The following ARHGAP6 variants were observed in gnomAD, a reference collection of about 807,000 sequenced individuals.
ARHGAP6 encodes the protein Rho GTPase activating protein 6.
A neutral mutation model predicts 55.7 loss-of-function variants in ARHGAP6; 16 were observed. That is an observed-to-expected ratio of 0.29 (90% CI 0.19 to 0.44). The LOEUF (loss-of-function observed/expected upper bound fraction) is 0.44. Ranked by LOEUF, ARHGAP6 falls within the 20% of genes least tolerant of loss-of-function variation. The pLI is 1.00. For synonymous variants in ARHGAP6, 382 were observed against 360.9 expected (o/e 1.06, Z -0.66); for missense variants, 698 against 808.9 (o/e 0.86, Z 1.66).
chrX:11,544,148 G>A (rs1442997612), intron 1 of ARHGAP6, among the ~76,000 whole-genome samples: 1 of 112,201 alleles, frequency 8.9e-6, no homozygotes, highest in Non-Finnish European at 1.9e-5. Flanking sequence ...CACACGGAAA[G>A]CGAAACACAG....
chrX:11,564,205 CT>C (rs1343673373), intron 1 of ARHGAP6, among the ~76,000 whole-genome samples: 2 of 111,555 alleles, frequency 1.8e-5, no homozygotes, highest in Non-Finnish European at 3.8e-5. Flanking sequence ...CTTATTATGC[CT>C]TTCTCTTTGC....
At chrX:11,405,407 G>A (rs2049598972) in intron 1 of ARHGAP6, among the ~76,000 whole-genome samples, 1 of 112,076 alleles carries the variant, frequency 8.9e-6, no homozygotes, top group African/African-American at 3.2e-5. Flanking sequence ...AGACACTGCT[G>A]GGTAAAAACA....
chrX:11,232,144 C>T (rs1316268345), intron 2 of ARHGAP6, among the ~76,000 whole-genome samples: 1 of 111,936 alleles, frequency 8.9e-6, no homozygotes, highest in Non-Finnish European at 1.9e-5. Context: ...ATGATAACTA[C>T]AGTTATTCGA....
chrX:11,179,343 A>G lies in ARHGAP6; in HGVS notation c.1439T>C (p.Leu480Pro). The part of the protein sequence containing the change: ...KEFLRDMPDP[L>P]LTRELYTAFI... ...AGCTGTGTACAGCTCCCTGGTGAGA[A>G]GGGGGTCTGGCATGTCCCTCAGGAA... is the stretch of plus-strand genomic sequence containing the variant. The change falls in exon 7 of 13, where the codon CTT becomes CCT. Residue 480 changes from leucine (L) to proline (P), a missense_variant. Leu to Pro is a moderately conservative substitution (Grantham distance 98, BLOSUM62 -3). Transcript: ENST00000337414. 1 of 1,209,802 alleles carries G rather than the reference A, an allele frequency of 8.3e-7. No homozygotes were observed. The highest frequency in any genetic ancestry group is 3.0e-5 in the East Asian group (1 of 33,783).
At position 11,385,293 on chromosome X, in the gene ARHGAP6, T is replaced by C. The variant is rs776778241; in HGVS notation, c.589-130586A>G. Among the ~76,000 whole-genome samples, 3 of 111,974 alleles carry C rather than the reference T, an allele frequency of 2.7e-5. No individual in the cohort carries two copies. In the East Asian group the frequency reaches 8.4e-4, roughly 31 times the overall value. On this transcript the variant is annotated intron_variant, in intron 1 of 12. Transcript: ENST00000337414. ...ACTCTGAGAAGTATACTAATACTAA[T>C]ATAATTCTAAGACCAAGGCTAATTC...
chrX:11,656,424 A>AGTTGTTT (rs2052638075), intron 1 of ARHGAP6, among the ~76,000 whole-genome samples: 1 of 112,325 alleles, frequency 8.9e-6, no homozygotes, highest in Non-Finnish European at 1.9e-5. Context: ...AACAACTGAC[A>AGTTGTTT]TATTCTCTTA....
chrX:11,476,541 C>T (rs1412296776), intron 1 of ARHGAP6, among the ~76,000 whole-genome samples: 1 of 111,305 alleles, frequency 9.0e-6, no homozygotes, highest in Non-Finnish European at 1.9e-5. Flanking sequence ...AATTATAGGA[C>T]TTACAGTGTC....
intron 1 of ARHGAP6, among the ~76,000 whole-genome samples, chrX:11,395,447 G>C (rs1033781184): frequency 1.8e-5 from 2 of 112,402 alleles, no homozygotes; most frequent in Admixed American, 1.9e-4. Flanking sequence ...CTGGTTCTCT[G>C]GAGGAAAGCT....
chrX:11,209,055 T>G (rs2046749711), intron 2 of ARHGAP6, among the ~76,000 whole-genome samples: 1 of 112,373 alleles, frequency 8.9e-6, no homozygotes, highest in Admixed American at 9.4e-5. Context: ...CACAACTCTT[T>G]ATAATACCCA....
At chrX:11,442,313 T>TAAA (rs777850004) in intron 1 of ARHGAP6, among the ~76,000 whole-genome samples, 2 of 99,997 alleles carry the variant, frequency 2.0e-5, no homozygotes, top group African/African-American at 7.2e-5. Flanking sequence ...ACCCTCTTCT[T>TAAA]AAAAAAAAAA....
chrX:11,165,503 T>C (rs2046006005), intron 9 of ARHGAP6, among the ~76,000 whole-genome samples: 1 of 111,687 alleles, frequency 9.0e-6, no homozygotes, highest in African/African-American at 3.3e-5. Context: ...ATCCCTTTAA[T>C]GTAATAATAG....
intron 1 of ARHGAP6, among the ~76,000 whole-genome samples, chrX:11,662,924 C>G (rs148617023): frequency 3.0e-4 from 34 of 111,925 alleles, no homozygotes; most frequent in African/African-American, 1.1e-3. Flanking sequence ...TTTTGATGCT[C>G]TTTCTAATCT....
chrX:11,201,989 CTGTGTGTGTG>C (rs56023548), intron 2 of ARHGAP6, among the ~76,000 whole-genome samples: 1,139 of 65,516 alleles, frequency 0.017, 14 homozygotes, highest in Middle Eastern at 0.044. Context: ...GCATCTGGAT[CTGTGTGTGTG>C]TGTGTGTGTG....
intron 1 of ARHGAP6, among the ~76,000 whole-genome samples, chrX:11,419,866 T>C (rs1349446694): frequency 8.8e-6 from 1 of 113,027 alleles, no homozygotes; most frequent in African/African-American, 3.2e-5. Flanking sequence ...ATGGCAACTT[T>C]TCTCTAAAGC....
At chrX:11,388,143 T>C (rs1456803774) in intron 1 of ARHGAP6, among the ~76,000 whole-genome samples, 1 of 112,302 alleles carries the variant, frequency 8.9e-6, no homozygotes, top group Admixed American at 9.4e-5. Context: ...ACTTCCACAA[T>C]GGTTGAACTA....
chrX:11,499,135 T>C (rs781567158), intron 1 of ARHGAP6, among the ~76,000 whole-genome samples: 1 of 112,350 alleles, frequency 8.9e-6, no homozygotes, highest in Admixed American at 9.4e-5. Context: ...TTTCTGGCTA[T>C]GTCTAAGAAT....
At chrX:11,202,799 CAAAAAAAAAAAAAAAAAAA>C (rs776633959) in intron 2 of ARHGAP6, among the ~76,000 whole-genome samples, 1 of 9,451 alleles carries the variant, frequency 1.1e-4, no homozygotes, top group Admixed American at 2.2e-3. Context: ...GACTCCGTCT[CAAAAAAAAAAAAAAAAAAA>C]AAAAAAAAAA....
rs1217321144 is a variant in ARHGAP6, at chrX:11,429,220, T to C, written c.589-174513A>G. Among the ~76,000 whole-genome samples the C allele has an allele frequency of 2.7e-5, 3 of 112,959 alleles. No individual in the cohort carries two copies. In the East Asian group the frequency reaches 8.3e-4, roughly 31 times the overall value. On this transcript the variant is annotated intron_variant, in intron 1 of 12. Coordinates refer to ENST00000337414, the MANE Select transcript of ARHGAP6 (RefSeq NM_013427.3). ...GAAAGAAATCAGACACAAGTGTACA[T>C]ACTGTAAGATTTCACTTATTTATTC... is the stretch of plus-strand genomic sequence containing the variant.
intron 1 of ARHGAP6, chrX:11,290,246 A>AT (rs948736254): frequency 4.6e-6 from 1 of 218,657 alleles, no homozygotes; most frequent in African/African-American, 3.0e-5. Context: ...CAGAATCCAC[A>AT]TTTTCTATGT....
Sources: allele counts gnomAD v4.1 joint callset (sites outside exome capture counted in the v4.1 genomes callset), GRCh38; gene constraint gnomAD v4.1.1; transcripts MANE v1.5; gene names NCBI Gene and HGNC (gene_info 2026-07-23, HGNC 2026-07-21).